Variants in PAICS observed in about 807,000 individuals in gnomAD.
PAICS encodes the protein bifunctional phosphoribosylaminoimidazole carboxylase/phosphoribosylaminoimidazole succinocarboxamide synthetase.
Under a neutral mutation model 53.7 loss-of-function variants are expected in PAICS, and 33 were observed. That is an observed-to-expected ratio of 0.61 (90% CI 0.47 to 0.82). The LOEUF (loss-of-function observed/expected upper bound fraction) is 0.82, where lower values mean the gene tolerates loss of function less well. Ranked by LOEUF, PAICS falls within the 40% of genes least tolerant of loss-of-function variation. The probability of loss-of-function intolerance (pLI) is 0.00; values close to 1 mark genes in which losing one functional copy is unlikely to be tolerated. For synonymous variants in PAICS, 141 were observed against 167.2 expected (o/e 0.84, Z 1.21); for missense variants, 394 against 494.1 (o/e 0.80, Z 1.92).
intron 5 of PAICS, 135 bp downstream of exon 5, chr4:56,448,958 A>C: frequency 1.6e-6 from 1 of 606,838 alleles, no homozygotes; most frequent in Admixed American, 2.9e-5. Context: ...TTTATTTTTA[A>C]AGATAAATGT....
rs960883195 is a variant in PAICS at position 56,464,355 on chromosome 4, A to G, written c.*4817A>G. ...TCAAAACACCGTATATAGTCTTAATATGGAATTAACAATAGGGTATTGTGA... is the reference window on the plus strand; with the variant it reads ...TCAAAACACCGTATATAGTCTTAATGTGGAATTAACAATAGGGTATTGTGA... On this transcript the variant is annotated 3_prime_UTR_variant, in exon 9 of 9. Coordinates refer to ENST00000512576, the MANE Select transcript of PAICS (RefSeq NM_001079524.2). 2.6e-5 allele frequency: 4 copies of G among 152,238 alleles called. No homozygotes were observed. The highest frequency in any genetic ancestry group is 9.6e-5 in the African/African-American group (4 of 41,454). 9.4% of individuals were successfully genotyped at this position (152,238 alleles called of 1,614,324 possible).
chr4:56,429,005 G>GCT, the PAICS span: 1 of 963,574 alleles, frequency 1.0e-6, no homozygotes, highest in Non-Finnish European at 1.2e-6. Context: ...ACATGAAGAT[G>GCT]GTAAGAGCCA....
intron 1 of PAICS, among the ~76,000 whole-genome samples, chr4:56,440,868 T>G (rs10222686): frequency 2.9e-4 from 44 of 152,222 alleles, no homozygotes; most frequent in African/African-American, 1.1e-3. Flanking sequence ...TGAGGGTTGA[T>G]TTCTCTCTTT....
chr4:56,431,891 G>A (rs536276374), upstream of PAICS, among the ~76,000 whole-genome samples: 1 of 152,276 alleles, frequency 6.6e-6, no homozygotes, highest in African/African-American at 2.4e-5. Flanking sequence ...TATAAATCAG[G>A]CATGAACATA....
chr4:56,425,400 C>A, the PAICS span: 2 of 919,764 alleles, frequency 2.2e-6, no homozygotes, highest in Non-Finnish European at 2.6e-6. Context: ...GAACTTATTA[C>A]TAAAACTTCA....
chr4:56,421,965 A>T, the PAICS span: 3 of 152,226 alleles, frequency 2.0e-5, no homozygotes, highest in African/African-American at 7.2e-5. Flanking sequence ...AAAATACTGC[A>T]TTAGAGTTTA....
intron 1 of PAICS, 91 bp from the exon 2 acceptor site, chr4:56,441,572 G>A (rs1444666383): frequency 3.8e-6 from 2 of 527,350 alleles, no homozygotes; most frequent in Non-Finnish European, 6.7e-6. Flanking sequence ...CTTAATCACT[G>A]TATATTTACA....
chr4:56,419,082 TCA>T, the PAICS span, among the ~76,000 whole-genome samples: 1 of 152,214 alleles, frequency 6.6e-6, no homozygotes. Flanking sequence ...CACATTAGAT[TCA>T]CAGTCTGGGG....
At chr4:56,435,650 A>G, upstream of PAICS, 1 of 1,432,490 alleles carries the variant, frequency 7.0e-7, no homozygotes, top group African/African-American at 1.4e-5. Flanking sequence ...TGGCGTGGCC[A>G]GCTCAGCCCT....
chr4:56,443,170 A>G (rs1217456771), intron 2 of PAICS, among the ~76,000 whole-genome samples: 3 of 151,992 alleles, frequency 2.0e-5, no homozygotes, highest in Non-Finnish European at 4.4e-5. Context: ...TGTTCCATCT[A>G]TTTATTTATT....
At chr4:56,431,035 T>C (rs1717556826), upstream of PAICS, among the ~76,000 whole-genome samples, 1 of 152,114 alleles carries the variant, frequency 6.6e-6, no homozygotes, top group African/African-American at 2.4e-5. Flanking sequence ...AAAACACTTA[T>C]TTTAAAGCAA....
intron 7 of PAICS, 90 bp downstream of exon 7, chr4:56,452,142 CT>C: frequency 3.5e-6 from 3 of 846,942 alleles, no homozygotes; most frequent in Non-Finnish European, 5.4e-6. Context: ...GAAAAAAGAG[CT>C]TTGTCAGTTT....
chr4:56,439,669 T>A (rs568700337), intron 1 of PAICS, among the ~76,000 whole-genome samples: 4 of 152,300 alleles, frequency 2.6e-5, no homozygotes, highest in Middle Eastern at 3.4e-3. Flanking sequence ...CCTTTTTTTT[T>A]ATTGAGACAG....
At chr4:56,453,146 T>C (rs1325089471) in intron 7 of PAICS, among the ~76,000 whole-genome samples, 1 of 152,200 alleles carries the variant, frequency 6.6e-6, no homozygotes, top group Non-Finnish European at 1.5e-5. Context: ...GGACACTATA[T>C]TAATTAAACT....
upstream of PAICS, chr4:56,435,591 CT>C: frequency 6.4e-7 from 1 of 1,561,850 alleles, no homozygotes; most frequent in South Asian, 1.2e-5. Context: ...CAGGCTCTTC[CT>C]TCCCGAGGGT....
At position 56,459,898 on chromosome 4, in the gene PAICS, T is replaced by C. The variant is rs1183058636; in HGVS notation, c.*360T>C. The stretch of plus-strand genomic sequence containing the variant: ...CTATATTTCTCCAGACTTGCATTTT[T>C]TTTTTTTTTTTTGAGACAGGGTCTC... On this transcript the variant is annotated 3_prime_UTR_variant, in exon 9 of 9. Transcript: ENST00000512576. The C allele has an allele frequency of 6.1e-6, 1 of 163,224 alleles. No individual in the cohort carries two copies. The highest frequency in any genetic ancestry group is 2.4e-5 in the African/African-American group (1 of 41,524). The allele number at this position is 163,224 out of a possible 1,614,324, so 10.1% of individuals were successfully genotyped here.
chr4:56,458,108 A>T (rs943432627), intron 8 of PAICS, among the ~76,000 whole-genome samples: 1 of 152,196 alleles, frequency 6.6e-6, no homozygotes, highest in African/African-American at 2.4e-5. Flanking sequence ...TAAGCAAAAA[A>T]TTGGCAGTTT....
At chr4:56,420,237 G>A in the PAICS span, 3 of 152,796 alleles carry the variant, frequency 2.0e-5, no homozygotes, top group African/African-American at 7.2e-5. Context: ...ATTCATATGT[G>A]TTTCATATAT....
upstream of PAICS, among the ~76,000 whole-genome samples, chr4:56,431,127 C>CA (rs149776985): frequency 1.8e-3 from 273 of 152,172 alleles, 1 homozygote; most frequent in African/African-American, 6.4e-3. Context: ...TCCCTCAAAC[C>CA]AAAATTTACT....
Sources: gnomAD v4.1 joint callset for allele counts (sites outside exome capture counted in the v4.1 genomes callset) on GRCh38, gnomAD v4.1.1 for gene constraint, MANE v1.5 for transcripts, NCBI Gene and HGNC (gene_info 2026-07-23, HGNC 2026-07-21) for gene names.